Variants in ACP4 observed in about 807,000 individuals in gnomAD.
ACP4 encodes acid phosphatase 4.
ACP4 carries 49 observed loss-of-function variants against 47.3 expected under a neutral mutation model. The observed-to-expected ratio is 1.04, with a 90% confidence interval of 0.82 to 1.32. The LOEUF is 1.32. Ranked by LOEUF, ACP4 falls within the 40% of genes most tolerant of loss-of-function variation. The pLI is 0.00. For synonymous variants in ACP4, 299 were observed against 265.3 expected (o/e 1.13, Z -1.23); for missense variants, 594 against 579.3 (o/e 1.03, Z -0.26).
chr19:50,792,100 C>T lies in ACP4; in HGVS notation c.478C>T (p.Pro160Ser). The change falls in exon 5 of 11, where the codon CCC (proline) becomes TCC (serine). Residue 160 changes from proline to serine, a missense_variant. Coordinates refer to ENST00000270593, the MANE Select transcript of ACP4 (RefSeq NM_033068.3). ...GCTGAGGTTCCCCATGCGCAGCTGT[C>T]CCCGATACCACGAGCTGCTGCGGGA... The part of the protein sequence containing the change: ...KLLRFPMRSC[P>S]RYHELLREAT... 1 of 1,599,062 alleles carries T rather than the reference C, an allele frequency of 6.3e-7. No homozygotes were observed. The highest frequency in any genetic ancestry group is 8.5e-7 in the Non-Finnish European group (1 of 1,174,350).
Position 50,791,713 on chromosome 19 carries a change from G to T in ACP4, c.361G>T (p.Ala121Ser). The change falls in exon 4 of 11, where the codon GCC becomes TCC. Residue 121 changes from alanine (A) to serine (S), a missense_variant. Ala to Ser is a moderately conservative substitution (Grantham distance 99). Coordinates refer to ENST00000270593, the MANE Select transcript of ACP4 (RefSeq NM_033068.3). ...RTLESAQANL[A>S]GLFPEAAPGS... Reference sequence around the variant, plus strand: ...GCTGGAGAGTGCCCAGGCCAACCTTGCCGGGCTGTTTCCCGAGGCTGCTCC... The same window carrying T: ...GCTGGAGAGTGCCCAGGCCAACCTTTCCGGGCTGTTTCCCGAGGCTGCTCC... 6.2e-7 allele frequency: 1 copy of T among 1,613,340 alleles called. No homozygotes were observed. Among genetic ancestry groups the T allele is most frequent in the Non-Finnish European group, 8.5e-7 (1 of 1,179,914 alleles).
At position 50,794,521 on chromosome 19, in the gene ACP4, A is replaced by G; in HGVS notation, c.926A>G (p.Tyr309Cys). The G allele has an allele frequency of 6.2e-7, 1 of 1,613,970 alleles. No individual in the cohort carries two copies. Among genetic ancestry groups the G allele is most frequent in the East Asian group, 2.2e-5 (1 of 44,832 alleles). ...CTCTATGATGGACACACCCCGCCAT[A>G]TGCTGCCTGCCTCGGCTTTGAGTTC... ...LGLYDGHTPP[Y>C]AACLGFEFRK... is the part of the protein sequence containing the mutation. Residue 309 changes from tyrosine to cysteine, a missense_variant, in exon 9 of 11, where the codon TAT becomes TGT. Transcript: ENST00000270593.
chr19:50,794,990 G>A (rs200934487), intron 10 of ACP4, 26 bp downstream of exon 10: 10 of 1,613,362 alleles, frequency 6.2e-6, no homozygotes, highest in Non-Finnish European at 8.5e-6. Context: ...GTTGGGGTGG[G>A]AGTGGAGGGT....
intron 3 of ACP4, among the ~76,000 whole-genome samples, chr19:50,791,412 T>C (rs2089504676): frequency 6.6e-6 from 1 of 152,202 alleles, no homozygotes; most frequent in African/African-American, 2.4e-5. Flanking sequence ...TCTTCCTTTT[T>C]GACCCTCATT....
Position 50,795,118 on chromosome 19 carries a change from G to A in ACP4, c.1241G>A (p.Trp414Ter). ...ALSLGLGLLA[W>*]RPGCLRALGG... ...AGCTTGGGGCTGGGCCTGCTGGCCT[G>A]GAGACCAGGGTGCCTGCGGGCCTTG... The change falls in exon 11 of 11, where the codon TGG becomes TAG. Residue 414 changes from tryptophan to a stop codon, truncating the protein, a stop_gained. Transcript: ENST00000270593. LOFTEE classifies it high-confidence loss of function. 2 of 1,567,898 alleles carry A rather than the reference G, an allele frequency of 1.3e-6. No homozygotes were observed. Among genetic ancestry groups the A allele is most frequent in the South Asian group, 1.2e-5 (1 of 86,556 alleles).
chr19:50,792,408 C>A, intron 6 of ACP4, 71 bp downstream of exon 6: 2 of 1,485,884 alleles, frequency 1.3e-6, no homozygotes, highest in Non-Finnish European at 1.8e-6. Flanking sequence ...TACTCACTAG[C>A]TGTGTTCCCT....
rs1449685112 is a variant in ACP4, at chr19:50,791,769, C to T, written c.417C>T (p.Ile139=). The T allele has an allele frequency of 6.2e-7, 1 of 1,612,052 alleles. No individual in the cohort carries two copies. Among genetic ancestry groups the T allele is most frequent in the African/African-American group, 1.3e-5 (1 of 74,924 alleles). Residue 139 remains isoleucine (I), a synonymous_variant, in exon 4 of 11, where the codon ATC becomes ATT. Transcript: ENST00000270593. ...GCCCCGAGGCCCGCTGGAGGCCGAT[C>T]CCGGTGCACACGGTGCCCGTGGCTG... is the stretch of plus-strand genomic sequence containing the variant. ...PGSPEARWRP[I]PVHTVPVAED...
Position 50,794,853 on chromosome 19 carries a change from G to C in ACP4, c.1054G>C (p.Gly352Arg). The C allele has an allele frequency of 6.2e-7, 1 of 1,613,584 alleles. No homozygotes were observed. The highest frequency in any genetic ancestry group is 1.1e-5 in the South Asian group (1 of 90,980). The change falls in exon 10 of 11, where the codon GGG becomes CGG. Residue 352 changes from glycine to arginine, a missense_variant. By Grantham distance (125) the Gly-to-Arg change is moderately radical (BLOSUM62 -2). Coordinates refer to ENST00000270593, the MANE Select transcript of ACP4 (RefSeq NM_033068.3). ...AHLPLPLSLP[G>R]CPAPCPLGRF... Reference sequence around the variant, plus strand: ...CCTGCCCCTGCCTCTCAGCCTCCCCGGGTGCCCGGCCCCCTGTCCACTAGG... The same window carrying C: ...CCTGCCCCTGCCTCTCAGCCTCCCCCGGTGCCCGGCCCCCTGTCCACTAGG...
intron 3 of ACP4, among the ~76,000 whole-genome samples, 165 bp from the exon 4 acceptor site, chr19:50,791,491 A>T (rs959378053): frequency 6.6e-6 from 1 of 152,154 alleles, no homozygotes; most frequent in South Asian, 2.1e-4. Flanking sequence ...TGCTCCTGAC[A>T]TTAGCCTCTG....
intron 6 of ACP4, chr19:50,792,858 A>T (rs2089522085): frequency 6.6e-6 from 1 of 152,432 alleles, no homozygotes. Flanking sequence ...AATTAAAAAA[A>T]AATTAATTTT....
chr19:50,794,068 A>G, intron 8 of ACP4, 98 bp downstream of exon 8: 1 of 1,398,244 alleles, frequency 7.2e-7, no homozygotes, highest in Non-Finnish European at 1.0e-6. Context: ...AGTGGATCTC[A>G]GCCCACTGCC....
intron 3 of ACP4, 34 bp from the exon 4 acceptor site, chr19:50,791,622 A>AC (rs1230778224): frequency 2.5e-6 from 4 of 1,588,258 alleles, no homozygotes; most frequent in Admixed American, 1.7e-5. Context: ...CCCAACCACG[A>AC]CCCCCCGCGT....
At chr19:50,791,057 C>T (rs967791278) in intron 3 of ACP4, among the ~76,000 whole-genome samples, 197 bp downstream of exon 3, 7 of 152,116 alleles carry the variant, frequency 4.6e-5, no homozygotes, top group East Asian at 1.9e-4. Flanking sequence ...TGTCACATCT[C>T]GACCTCTGAC....
At chr19:50,791,421 T>C (rs1023948555) in intron 3 of ACP4, among the ~76,000 whole-genome samples, 1 of 152,146 alleles carries the variant, frequency 6.6e-6, no homozygotes, top group African/African-American at 2.4e-5. Flanking sequence ...TTGACCCTCA[T>C]TGACTCAATT....
intron 8 of ACP4, among the ~76,000 whole-genome samples, 200 bp from the exon 9 acceptor site, chr19:50,794,257 A>G (rs572142248): frequency 3.3e-5 from 5 of 152,282 alleles, no homozygotes; most frequent in East Asian, 1.9e-4. Context: ...GCTTAGTCCA[A>G]TCATATTTTG....
At position 50,790,670 on chromosome 19, in the gene ACP4, G is replaced by A; in HGVS notation, c.188G>A (p.Trp63Ter). ...DPHKEVASTL[W>*]PRGLGQLTTE... is the part of the protein sequence containing the mutation. The stretch of plus-strand genomic sequence containing the variant: ...CACAAGGAGGTGGCCTCCACCCTGT[G>A]GCCACGAGGCCTGGGCCAGCTGACC... Residue 63 changes from tryptophan (W) to a stop codon, truncating the protein, a stop_gained, in exon 2 of 11, where the codon TGG becomes TAG. Coordinates refer to ENST00000270593, the MANE Select transcript of ACP4 (RefSeq NM_033068.3). LOFTEE classifies it high-confidence loss of function. The A allele has an allele frequency of 6.5e-7, 1 of 1,543,536 alleles. No homozygotes were observed. The highest frequency in any genetic ancestry group is 1.4e-5 in the African/African-American group (1 of 73,064).
intron 6 of ACP4, 186 bp from the exon 7 acceptor site, chr19:50,793,498 G>C: frequency 1.2e-6 from 1 of 867,246 alleles, no homozygotes; most frequent in African/African-American, 1.7e-5. Flanking sequence ...CTAGGTGATG[G>C]AGCAAGGCTC....
At chr19:50,794,361 TAAG>T in intron 8 of ACP4, 93 bp from the exon 9 acceptor site, 1 of 1,532,970 alleles carries the variant, frequency 6.5e-7, no homozygotes, top group Non-Finnish European at 8.8e-7. Flanking sequence ...GGGTTGGTTC[TAAG>T]AAGCCTGGGG....
In ACP4 at chr19:50,790,543, C is replaced by A. The variant is rs923089779; in HGVS notation, c.111+18C>A. On this transcript the variant is annotated intron_variant, in intron 1 of 10. Transcript: ENST00000270593. ...TGGCTCTGGTGAGGCGCCCCCACCC[C>A]GGCCTGCCCTTAGCTCCCCCAGGGC... 2.6e-6 allele frequency: 4 copies of A among 1,540,954 alleles called. No individual in the cohort carries two copies. In the South Asian group the frequency reaches 3.6e-5, roughly 14 times the overall value.
Sources: allele counts gnomAD v4.1 joint callset (sites outside exome capture counted in the v4.1 genomes callset), GRCh38; gene constraint gnomAD v4.1.1; transcripts MANE v1.5; gene names NCBI Gene and HGNC (gene_info 2026-07-23, HGNC 2026-07-21).